The following AGTR1 variants were observed in gnomAD, a reference collection of about 807,000 sequenced individuals.
AGTR1 encodes the protein type-1 angiotensin II receptor.
A neutral mutation model predicts 19.4 loss-of-function variants in AGTR1; 16 were observed. The ratio of observed to expected loss-of-function variants is 0.82; its 90% CI spans 0.56 to 1.25. AGTR1 has a LOEUF of 1.25. Among genes scored for constraint, AGTR1 ranks in the 50% most tolerant of loss-of-function variants. AGTR1 has a pLI of 0.00. For missense variants in AGTR1, 373 were observed against 431.9 expected, an observed-to-expected ratio of 0.86 and a Z score of 1.21; for synonymous variants, 153 against 154.9, an observed-to-expected ratio of 0.99 and a Z score of 0.09.
chr3:148,737,373 C>G (rs1316001744), intron 2 of AGTR1, among the ~76,000 whole-genome samples: 1 of 152,144 alleles, frequency 6.6e-6, no homozygotes, highest in African/African-American at 2.4e-5. Context: ...ATCCCTCTCC[C>G]CACCCCCACT....
At chr3:148,722,000 C>T (rs1048023990) in intron 2 of AGTR1, among the ~76,000 whole-genome samples, 5 of 152,076 alleles carry the variant, frequency 3.3e-5, no homozygotes, top group Admixed American at 3.3e-4. Context: ...CCTAAGAAAC[C>T]GTAAAAGTCA....
chr3:148,742,537 T>C lies in AGTR1; in HGVS notation c.*422T>C. The C allele has an allele frequency of 6.2e-6, 2 of 325,000 alleles. No individual in the cohort carries two copies. The highest frequency in any genetic ancestry group is 2.3e-3 in the Middle Eastern group (2 of 886). 20.1% of individuals were successfully genotyped at this position (325,000 alleles called of 1,614,324 possible). ...GTTCTGTCCAGTTTCCAAAGGGCAG[T>C]AAAGTTTTCGTGCCGGTTTTCAGCT... On this transcript the variant is annotated 3_prime_UTR_variant, in exon 3 of 3. Coordinates refer to ENST00000349243, the MANE Select transcript of AGTR1 (RefSeq NM_000685.5).
intron 2 of AGTR1, among the ~76,000 whole-genome samples, chr3:148,713,426 C>A (rs1299792868): frequency 6.6e-6 from 1 of 152,052 alleles, no homozygotes; most frequent in Non-Finnish European, 1.5e-5. Context: ...TAGAAAAATT[C>A]ATTTCACAGG....
At position 148,698,038 on chromosome 3, in the gene AGTR1, C is replaced by A. The variant is rs1235261907; in HGVS notation, c.-221C>A. 6.6e-6 allele frequency: 1 copy of A among 152,164 alleles called. No individual in the cohort carries two copies. The highest frequency in any genetic ancestry group is 2.4e-5 in the African/African-American group (1 of 41,446). 9.4% of individuals were successfully genotyped at this position (152,164 alleles called of 1,614,324 possible). A position where few individuals can be genotyped will look rare whatever the true frequency, so the allele number is the denominator to read the frequency against. On this transcript the variant is annotated 5_prime_UTR_variant, in exon 1 of 3. Coordinates refer to ENST00000349243, the MANE Select transcript of AGTR1 (RefSeq NM_000685.5). Reference sequence around the variant, plus strand: ...CTGGAGCGGACCCAGCGAGTGAGGGCGCACAGCCGGGACGCCGAGGCGGCG... The same window carrying A: ...CTGGAGCGGACCCAGCGAGTGAGGGAGCACAGCCGGGACGCCGAGGCGGCG...
chr3:148,722,123 A>G (rs1325880678), intron 2 of AGTR1, among the ~76,000 whole-genome samples: 2 of 152,322 alleles, frequency 1.3e-5, no homozygotes, highest in East Asian at 3.9e-4. Context: ...AAAATTCACA[A>G]TGTTTAGCAT....
At chr3:148,721,244 A>G (rs541716026) in intron 2 of AGTR1, among the ~76,000 whole-genome samples, 1 of 152,284 alleles carries the variant, frequency 6.6e-6, no homozygotes, top group African/African-American at 2.4e-5. Flanking sequence ...CTCTCAGTGT[A>G]TGAGTGTTCC....
rs114043567 is a variant in AGTR1, at chr3:148,718,541, T to A, written c.-48+10514T>A. Among the ~76,000 whole-genome samples, 836 of 152,284 alleles carry A rather than the reference T, an allele frequency of 5.5e-3. 7 individuals are homozygous for A. Among genetic ancestry groups the A allele is most frequent in the African/African-American group, 0.019 (806 of 41,550 alleles). On this transcript the variant is annotated intron_variant, in intron 2 of 2. Transcript: ENST00000349243. The stretch of plus-strand genomic sequence containing the variant: ...TGGAACGCAGTGAAAACCTGGGGTA[T>A]CCAACTTGCAGTATAGGCCACCAGC...
chr3:148,709,761 A>G (rs1712876086), intron 2 of AGTR1, among the ~76,000 whole-genome samples: 1 of 152,188 alleles, frequency 6.6e-6, no homozygotes, highest in Non-Finnish European at 1.5e-5. Context: ...ACTTAAAACT[A>G]CAGAACTCTG....
intron 2 of AGTR1, chr3:148,730,447 A>T (rs1714184833): frequency 2.7e-6 from 1 of 370,008 alleles, no homozygotes; most frequent in Non-Finnish European, 4.8e-6. Context: ...TTACTAGATG[A>T]CATCCTGCTG....
intron 2 of AGTR1, among the ~76,000 whole-genome samples, chr3:148,726,013 T>G (rs1011296288): frequency 1.3e-5 from 2 of 152,226 alleles, no homozygotes; most frequent in African/African-American, 4.8e-5. Context: ...ATACTGTCTT[T>G]TGAAAAAGTT....
chr3:148,712,837 C>T (rs1251830864), intron 2 of AGTR1, among the ~76,000 whole-genome samples: 2 of 152,102 alleles, frequency 1.3e-5, no homozygotes, highest in Non-Finnish European at 2.9e-5. Flanking sequence ...GCTAGTCTTC[C>T]TTTCACTTAC....
At chr3:148,739,886 C>T in intron 2 of AGTR1, 1 of 1,231,992 alleles carries the variant, frequency 8.1e-7, no homozygotes, top group Non-Finnish European at 1.0e-6. Context: ...CCCAGCACCA[C>T]TGCCCACCTA....
In AGTR1 at chr3:148,742,615, A is replaced by G. The variant is rs142489605; in HGVS notation, c.*500A>G. On this transcript the variant is annotated 3_prime_UTR_variant, in exon 3 of 3. Transcript: ENST00000349243. ...GGTACTGCACATTTTGTACAAAGAT[A>G]TGCTAAGCAGTAGTCGTCAAGTTGC... The G allele has an allele frequency of 3.2e-4, 74 of 230,684 alleles. No individual in the cohort carries two copies. The highest frequency in any genetic ancestry group is 1.7e-3 in the African/African-American group (71 of 42,414). The allele number at this position is 230,684 out of a possible 1,614,324, so 14.3% of individuals were successfully genotyped here. A position where few individuals can be genotyped will look rare whatever the true frequency, so the allele number is the denominator to read the frequency against.
intron 2 of AGTR1, among the ~76,000 whole-genome samples, chr3:148,710,916 C>T (rs768660246): frequency 6.6e-6 from 1 of 152,092 alleles, no homozygotes; most frequent in Non-Finnish European, 1.5e-5. Context: ...CTCTCTTGCT[C>T]CTGCTCTCGC....
Position 148,732,730 on chromosome 3 carries a change from A to ATT in AGTR1, c.-47-8232_-47-8231dup, listed in dbSNP as rs778034622. On this transcript the variant is annotated intron_variant, in intron 2 of 2. Coordinates refer to ENST00000349243, the MANE Select transcript of AGTR1 (RefSeq NM_000685.5). The stretch of plus-strand genomic sequence containing the variant: ...ATTATAAAAGTTCATGCTTCGGAAA[A>ATT]TTTTTTTTTTTTTTTTTTTTTTTTT... Among the ~76,000 whole-genome samples the ATT allele has an allele frequency of 6.4e-3, 699 of 109,998 alleles. 17 individuals are homozygous for ATT. Among genetic ancestry groups the ATT allele is most frequent in the African/African-American group, 9.0e-3 (222 of 24,796 alleles). The allele number at this position is 109,998 out of a possible 152,430, so 72.2% of individuals were successfully genotyped here.
At chr3:148,704,366 G>GAATAAT (rs143151099) in intron 1 of AGTR1, among the ~76,000 whole-genome samples, 186 of 149,888 alleles carry the variant, frequency 1.2e-3, no homozygotes, top group South Asian at 2.8e-3. Context: ...ACCCTGTCTC[G>GAATAAT]AATAATAATA....
chr3:148,740,879 C>T, intron 2 of AGTR1, 110 bp from the exon 3 acceptor site: 6 of 967,886 alleles, frequency 6.2e-6, no homozygotes, highest in Non-Finnish European at 7.5e-6. Flanking sequence ...GTATTTTTTC[C>T]TAAGACTAAA....
chr3:148,742,971 T>C lies in AGTR1; in HGVS notation c.*856T>C, dbSNP rs949744536. The C allele has an allele frequency of 1.9e-4, 31 of 162,680 alleles. No homozygotes were observed. The highest frequency in any genetic ancestry group is 7.5e-4 in the African/African-American group (31 of 41,452). The allele number at this position is 162,680 out of a possible 1,614,324, so 10.1% of individuals were successfully genotyped here. A position where few individuals can be genotyped will look rare whatever the true frequency, so the allele number is the denominator to read the frequency against. On this transcript the variant is annotated 3_prime_UTR_variant, in exon 3 of 3. Coordinates refer to ENST00000349243, the MANE Select transcript of AGTR1 (RefSeq NM_000685.5). Reference sequence around the variant, plus strand: ...AATTGATTAAAATCTGGCAAAGTTATATTTACTTTAAAATAAAATAATTTT... The same window carrying C: ...AATTGATTAAAATCTGGCAAAGTTACATTTACTTTAAAATAAAATAATTTT...
At chr3:148,707,893 A>T (rs1433978108) in intron 1 of AGTR1, 51 bp from the exon 2 acceptor site, 1 of 152,202 alleles carries the variant, frequency 6.6e-6, no homozygotes, top group African/African-American at 2.4e-5. Flanking sequence ...ATTAAAAAAT[A>T]AAAACCTGAC....
Sources: gnomAD v4.1 joint callset for allele counts (sites outside exome capture counted in the v4.1 genomes callset) on GRCh38, gnomAD v4.1.1 for gene constraint, MANE v1.5 for transcripts, NCBI Gene and HGNC (gene_info 2026-07-23, HGNC 2026-07-21) for gene names.